The following KLHDC7A variants were observed in gnomAD, a reference collection of about 807,000 sequenced individuals.
KLHDC7A encodes the protein kelch domain containing 7A, also known as kelch domain-containing protein 7A.
For synonymous variants in KLHDC7A, 464 were observed against 461.0 expected (o/e 1.01, Z -0.08); for missense variants, 1,123 against 1,052.6 (o/e 1.07, Z -0.93).
rs757365846 is a variant in KLHDC7A at position 18,482,446 on chromosome 1, CG to C, written c.1469del (p.Gly490AlafsTer86). ...ERELILQRRLRGRQYLVVADV... is the reference protein window; with the variant it reads ...ERELILQRRLXGRQYLVVADV... ...CGAGCTGATCCTGCAGCGCCGGCTC[CG>C]GGGCCGCCAGTACCTGGTGGTGGCT... On this transcript the variant is annotated frameshift_variant, in exon 1 of 1. Transcript: ENST00000400664. LOFTEE classifies it low-confidence loss of function (END_TRUNC). The C allele has an allele frequency of 3.1e-6, 5 of 1,610,094 alleles. No individual in the cohort carries two copies. Among genetic ancestry groups the C allele is most frequent in the Middle Eastern group, 1.6e-4 (1 of 6,078 alleles).
chr1:18,484,147 G>A lies in KLHDC7A; in HGVS notation c.*832G>A, dbSNP rs2086918969. On this transcript the variant is annotated 3_prime_UTR_variant, in exon 1 of 1. Coordinates refer to ENST00000400664, the MANE Select transcript of KLHDC7A (RefSeq NM_152375.3). ...GACCATTGCACTCATTCTCAGATCTGTAGCCGTCTTCCTGTCTGGAAGCTG... is the reference window on the plus strand; with the variant it reads ...GACCATTGCACTCATTCTCAGATCTATAGCCGTCTTCCTGTCTGGAAGCTG... 3.7e-6 allele frequency: 3 copies of A among 814,444 alleles called. No individual in the cohort carries two copies. The highest frequency in any genetic ancestry group is 4.8e-5 in the Admixed American group (2 of 41,608). The allele number at this position is 814,444 out of a possible 1,614,324, so 50.5% of individuals were successfully genotyped here. A position where few individuals can be genotyped will look rare whatever the true frequency, so the allele number is the denominator to read the frequency against.
At position 18,484,847 on chromosome 1, in the gene KLHDC7A, G is replaced by C. The variant is rs114275243; in HGVS notation, c.*1532G>C. Reference sequence around the variant, plus strand: ...TCCCTGGTCTGGGCTCTGGCACCAGGCTCTGCCAGTGGCAGCTCAGAGGCC... The same window carrying C: ...TCCCTGGTCTGGGCTCTGGCACCAGCCTCTGCCAGTGGCAGCTCAGAGGCC... On this transcript the variant is annotated 3_prime_UTR_variant, in exon 1 of 1. Coordinates refer to ENST00000400664, the MANE Select transcript of KLHDC7A (RefSeq NM_152375.3). The C allele has an allele frequency of 0.047, 7,822 of 166,770 alleles. 253 individuals carry two copies. The highest frequency in any genetic ancestry group is 0.077 in the African/African-American group (3,182 of 41,390). The allele number at this position is 166,770 out of a possible 1,614,324, so 10.3% of individuals were successfully genotyped here.
At position 18,480,993 on chromosome 1, in the gene KLHDC7A, A is replaced by T; in HGVS notation, c.12A>T (p.Arg4Ser). The T allele has an allele frequency of 6.3e-7, 1 of 1,587,536 alleles. No homozygotes were observed. The highest frequency in any genetic ancestry group is 8.6e-7 in the Non-Finnish European group (1 of 1,165,812). ...TTGGCTGGAGAAGCATGTTCCCCAG[A>T]GGAGCAGAGGCCCAGGACTGGCATT... MFP[R>S]GAEAQDWHLD... Residue 4 changes from arginine to serine, a missense_variant, in exon 1 of 1, where the codon AGA (arginine) becomes AGT (serine). Arg to Ser is a moderately radical substitution (Grantham distance 110). Coordinates refer to ENST00000400664, the MANE Select transcript of KLHDC7A (RefSeq NM_152375.3).
chr1:18,483,684 AC>A lies in KLHDC7A; in HGVS notation c.*373del. 1 of 1,192,232 alleles carries A rather than the reference AC, an allele frequency of 8.4e-7. No homozygotes were observed. Among genetic ancestry groups the A allele is most frequent in the Non-Finnish European group, 1.1e-6 (1 of 939,754 alleles). The allele number at this position is 1,192,232 out of a possible 1,614,324, so 73.9% of individuals were successfully genotyped here. ...CAATCACAATTCTAGGAGCCAGTTG[AC>A]CCCAGCAGCCCCTCGCTAGTTGCTC... On this transcript the variant is annotated 3_prime_UTR_variant, in exon 1 of 1. Coordinates refer to ENST00000400664, the MANE Select transcript of KLHDC7A (RefSeq NM_152375.3).
chr1:18,483,533 C>T lies in KLHDC7A; in HGVS notation c.*218C>T. 7.0e-7 allele frequency: 1 copy of T among 1,429,662 alleles called. No individual in the cohort carries two copies. The highest frequency in any genetic ancestry group is 1.6e-5 in the South Asian group (1 of 63,882). 88.6% of individuals were successfully genotyped at this position (1,429,662 alleles called of 1,614,324 possible). ...AGAGGCCCCACTGCAGAAAAGAGGA[C>T]CAGGAGCTGGTGTTCCAAGGCAGAA... On this transcript the variant is annotated 3_prime_UTR_variant, in exon 1 of 1. Transcript: ENST00000400664.
chr1:18,482,859 G>A lies in KLHDC7A; in HGVS notation c.1878G>A (p.Ala626=), dbSNP rs1014793481. The A allele has an allele frequency of 8.7e-6, 14 of 1,611,478 alleles. No individual in the cohort carries two copies. The highest frequency in any genetic ancestry group is 4.5e-5 in the East Asian group (2 of 44,870). Residue 626 remains alanine (A), a synonymous_variant, in exon 1 of 1, where the codon GCG becomes GCA. Coordinates refer to ENST00000400664, the MANE Select transcript of KLHDC7A (RefSeq NM_152375.3). ...TCCCCAGTGACACGTTCGCCCTGGC[G>A]CACACGGCCACGGTGCGTGCCAAGG... is the stretch of plus-strand genomic sequence containing the variant. The part of the protein sequence containing the change: ...PPLPSDTFAL[A]HTATVRAKEI...
At position 18,482,419 on chromosome 1, in the gene KLHDC7A, C is replaced by T; in HGVS notation, c.1438C>T (p.Arg480Cys). 6.2e-7 allele frequency: 1 copy of T among 1,608,416 alleles called. No homozygotes were observed. Among genetic ancestry groups the T allele is most frequent in the Non-Finnish European group, 8.5e-7 (1 of 1,179,944 alleles). ...DIYGCLSGAE[R>C]ELILQRRLRG... ...CTACGGGTGCCTGAGCGGGGCAGAG[C>T]GCGAGCTGATCCTGCAGCGCCGGCT... is the stretch of plus-strand genomic sequence containing the variant. The change falls in exon 1 of 1, where the codon CGC becomes TGC. Residue 480 changes from arginine to cysteine, a missense_variant. By Grantham distance (180) the Arg-to-Cys change is radical. Coordinates refer to ENST00000400664, the MANE Select transcript of KLHDC7A (RefSeq NM_152375.3).
rs1480832614 is a variant in KLHDC7A, at chr1:18,482,320, C to T, written c.1339C>T (p.Leu447=). The T allele has an allele frequency of 6.2e-7, 1 of 1,602,136 alleles. No homozygotes were observed. Among genetic ancestry groups the T allele is most frequent in the South Asian group, 1.1e-5 (1 of 91,084 alleles). ...EVLTLAKRQN[L]EALKEAAYKV... ...GCTGACCTTGGCCAAGAGGCAGAAC[C>T]TGGAGGCCCTGAAAGAGGCGGCCTA... is the stretch of plus-strand genomic sequence containing the variant. Residue 447 remains leucine (L), a synonymous_variant, in exon 1 of 1, where the codon CTG becomes TTG. Coordinates refer to ENST00000400664, the MANE Select transcript of KLHDC7A (RefSeq NM_152375.3).
rs1480636159 is a variant in KLHDC7A, at chr1:18,482,133, C to G, written c.1152C>G (p.Leu384=). 1.9e-6 allele frequency: 3 copies of G among 1,611,220 alleles called. No homozygotes were observed. Among genetic ancestry groups the G allele is most frequent in the Non-Finnish European group, 1.7e-6 (2 of 1,179,276 alleles). Residue 384 remains leucine (L), a synonymous_variant, in exon 1 of 1, where the codon CTC becomes CTG. Coordinates refer to ENST00000400664, the MANE Select transcript of KLHDC7A (RefSeq NM_152375.3). ...ELQLQPDGFR[L]PAPPCPDPGA... is the part of the protein sequence containing the mutation. ...AGCTGCAGCCAGATGGCTTCCGGCT[C>G]CCCGCTCCACCCTGCCCAGACCCGG...
At position 18,483,383 on chromosome 1, in the gene KLHDC7A, G is replaced by A; in HGVS notation, c.*68G>A. The stretch of plus-strand genomic sequence containing the variant: ...GGGCTCCACTGCCAGCCGTCCCTCT[G>A]GGGGCCATTTCTAGGCAAACAGGCA... On this transcript the variant is annotated 3_prime_UTR_variant, in exon 1 of 1. Coordinates refer to ENST00000400664, the MANE Select transcript of KLHDC7A (RefSeq NM_152375.3). The A allele has an allele frequency of 6.4e-7, 1 of 1,559,486 alleles. No individual in the cohort carries two copies. Among genetic ancestry groups the A allele is most frequent in the South Asian group, 1.2e-5 (1 of 81,458 alleles).
At position 18,483,740 on chromosome 1, in the gene KLHDC7A, G is replaced by T. The variant is rs2086916109; in HGVS notation, c.*425G>T. On this transcript the variant is annotated 3_prime_UTR_variant, in exon 1 of 1. Coordinates refer to ENST00000400664, the MANE Select transcript of KLHDC7A (RefSeq NM_152375.3). ...GAGGGGTTGGCTCTCTGAGCCATCA[G>T]TGCCCCTTCCTAAACATCAGCCACT... 2 of 1,199,428 alleles carry T rather than the reference G, an allele frequency of 1.7e-6. No homozygotes were observed. The highest frequency in any genetic ancestry group is 3.2e-5 in the African/African-American group (2 of 62,650). The allele number at this position is 1,199,428 out of a possible 1,614,324, so 74.3% of individuals were successfully genotyped here.
chr1:18,482,497 G>A lies in KLHDC7A; in HGVS notation c.1516G>A (p.Gly506Ser), dbSNP rs763581597. 24 of 1,611,604 alleles carry A rather than the reference G, an allele frequency of 1.5e-5. No homozygotes were observed. The South Asian group carries it at 1.9e-4, about 13-fold the overall frequency. ...TGACGTGTGCCCCAAGGAAGACTCC[G>A]GCGGCCTCTGTTGCTATGACGATGA... ...VADVCPKEDS[G>S]GLCCYDDEQD... Residue 506 changes from glycine (G) to serine (S), a missense_variant, in exon 1 of 1, where the codon GGC becomes AGC. Gly to Ser is a moderately conservative substitution (Grantham distance 56). Transcript: ENST00000400664.
In KLHDC7A at chr1:18,481,860, T is replaced by C. The variant is rs2086892797; in HGVS notation, c.879T>C (p.Tyr293=). The C allele has an allele frequency of 6.2e-7, 1 of 1,613,812 alleles. No homozygotes were observed. Among genetic ancestry groups the C allele is most frequent in the Non-Finnish European group, 8.5e-7 (1 of 1,179,962 alleles). Residue 293 remains tyrosine, a synonymous_variant, in exon 1 of 1, where the codon TAT becomes TAC. Transcript: ENST00000400664. ...PRLKGKVYDY[Y]VESTSQAIFQ... Reference sequence around the variant, plus strand: ...TCAAGGGCAAGGTGTACGACTACTATGTGGAATCTACCTCTCAGGCCATCT... The same window carrying C: ...TCAAGGGCAAGGTGTACGACTACTACGTGGAATCTACCTCTCAGGCCATCT...
chr1:18,481,141 G>A lies in KLHDC7A; in HGVS notation c.160G>A (p.Ala54Thr), dbSNP rs2086885590. 6.2e-7 allele frequency: 1 copy of A among 1,613,370 alleles called. No homozygotes were observed. Among genetic ancestry groups the A allele is most frequent in the Non-Finnish European group, 8.5e-7 (1 of 1,179,810 alleles). The change falls in exon 1 of 1, where the codon GCA becomes ACA. Residue 54 changes from alanine (A) to threonine (T), a missense_variant. Physicochemically the swap from Ala to Thr is moderately conservative, Grantham distance 58 (BLOSUM62 0). Transcript: ENST00000400664. ...PAQRWGGNGQAEAKEEAEGSG... is the reference protein window; with the variant it reads ...PAQRWGGNGQTEAKEEAEGSG... ...CCAGCGGTGGGGTGGGAATGGCCAG[G>A]CAGAAGCCAAGGAGGAAGCAGAGGG...
At position 18,483,455 on chromosome 1, in the gene KLHDC7A, C is replaced by T. The variant is rs1044506375; in HGVS notation, c.*140C>T. ...GAGGTGAATTCCGGTCCTTTCTCCT[C>T]CCCTAGCTGGGGAGAGAGGGATCTT... On this transcript the variant is annotated 3_prime_UTR_variant, in exon 1 of 1. Coordinates refer to ENST00000400664, the MANE Select transcript of KLHDC7A (RefSeq NM_152375.3). The T allele has an allele frequency of 4.6e-5, 68 of 1,475,322 alleles. No individual in the cohort carries two copies. Among genetic ancestry groups the T allele is most frequent in the Non-Finnish European group, 5.9e-5 (66 of 1,113,270 alleles). 91.4% of individuals were successfully genotyped at this position (1,475,322 alleles called of 1,614,324 possible). A position where few individuals can be genotyped will look rare whatever the true frequency, so the allele number is the denominator to read the frequency against.
rs369393242 is a variant in KLHDC7A, at chr1:18,481,952, G to C, written c.971G>C (p.Gly324Ala). ...TEVPSPRPPP[G>A]SLGTGAASGG... Reference sequence around the variant, plus strand: ...GTTCCATCCCCTAGGCCACCGCCAGGGTCCCTGGGAACAGGGGCTGCCTCG... The same window carrying C: ...GTTCCATCCCCTAGGCCACCGCCAGCGTCCCTGGGAACAGGGGCTGCCTCG... The change falls in exon 1 of 1, where the codon GGG (glycine) becomes GCG (alanine). Residue 324 changes from glycine to alanine, a missense_variant. Gly to Ala is a moderately conservative substitution (Grantham distance 60). Coordinates refer to ENST00000400664, the MANE Select transcript of KLHDC7A (RefSeq NM_152375.3). The C allele has an allele frequency of 1.9e-6, 3 of 1,613,092 alleles. No individual in the cohort carries two copies. Among genetic ancestry groups the C allele is most frequent in the African/African-American group, 2.7e-5 (2 of 74,946 alleles).
chr1:18,482,710 C>T lies in KLHDC7A; in HGVS notation c.1729C>T (p.Gln577Ter). 1 of 1,610,068 alleles carries T rather than the reference C, an allele frequency of 6.2e-7. No individual in the cohort carries two copies. The highest frequency in any genetic ancestry group is 8.5e-7 in the Non-Finnish European group (1 of 1,179,212). ...CTGGAGCGAGGTGTGCCCGCTGAAC[C>T]AGGCCCGGCCGCACTGCCGGCTGGT... ...GIWSEVCPLN[Q>*]ARPHCRLVAL... Residue 577 changes from glutamine (Q) to a stop codon, truncating the protein, a stop_gained, in exon 1 of 1, where the codon CAG becomes TAG. Coordinates refer to ENST00000400664, the MANE Select transcript of KLHDC7A (RefSeq NM_152375.3). LOFTEE classifies it low-confidence loss of function (END_TRUNC).
Position 18,483,782 on chromosome 1 carries a change from GTTCC to G in KLHDC7A, c.*468_*471del. On this transcript the variant is annotated 3_prime_UTR_variant, in exon 1 of 1. Transcript: ENST00000400664. ...TCAGCCACTGGGCCCCACCTCCACAGTTCCCAGAAGCACCGGGACACACAGGTGG... is the reference window on the plus strand; with the variant it reads ...TCAGCCACTGGGCCCCACCTCCACAGCAGAAGCACCGGGACACACAGGTGG... 1 of 1,209,704 alleles carries G rather than the reference GTTCC, an allele frequency of 8.3e-7. No homozygotes were observed. Among genetic ancestry groups the G allele is most frequent in the Non-Finnish European group, 1.1e-6 (1 of 946,772 alleles). 74.9% of individuals were successfully genotyped at this position (1,209,704 alleles called of 1,614,324 possible). A position where few individuals can be genotyped will look rare whatever the true frequency, so the allele number is the denominator to read the frequency against.
rs547428564 is a variant in KLHDC7A at position 18,482,567 on chromosome 1, T to G, written c.1586T>G (p.Val529Gly). ...CTGGCTCGCATGCCCCCCGAGGCCG[T>G]GTCCCGGGGCTGTGCCATCTGCAGT... ...RPLARMPPEAVSRGCAICSLF... is the reference protein window; with the variant it reads ...RPLARMPPEAGSRGCAICSLF... The change falls in exon 1 of 1, where the codon GTG becomes GGG. Residue 529 changes from valine (V) to glycine (G), a missense_variant. Physicochemically the swap from Val to Gly is moderately radical, Grantham distance 109. Coordinates refer to ENST00000400664, the MANE Select transcript of KLHDC7A (RefSeq NM_152375.3). The G allele has an allele frequency of 1.2e-4, 193 of 1,611,790 alleles. No homozygotes were observed. In the Middle Eastern group the frequency reaches 2.1e-3, roughly 18 times the overall value.
Sources: gnomAD v4.1 joint callset for allele counts on GRCh38, gnomAD v4.1.1 for gene constraint, MANE v1.5 for transcripts, NCBI Gene and HGNC (gene_info 2026-07-23, HGNC 2026-07-21) for gene names.